The following METTL8 variants were observed in gnomAD, a reference collection of about 807,000 sequenced individuals.
The protein encoded by METTL8 is tRNA N(3)-cytidine methyltransferase METTL8, mitochondrial.
Under a neutral mutation model 48.7 loss-of-function variants are expected in METTL8, and 32 were observed. That is an observed-to-expected ratio of 0.66 (90% CI 0.50 to 0.88). METTL8 has a LOEUF of 0.88. Ranked by LOEUF, METTL8 falls within the 40% of genes least tolerant of loss-of-function variation. The pLI is 0.00. For synonymous variants in METTL8, 136 were observed against 157.1 expected (o/e 0.87, Z 1.01); for missense variants, 464 against 474.4 (o/e 0.98, Z 0.20).
chr2:171,333,090 TTTTTC>T (rs1685714911), intron 5 of METTL8, among the ~76,000 whole-genome samples: 1 of 142,854 alleles, frequency 7.0e-6, no homozygotes, highest in African/African-American at 2.5e-5. Flanking sequence ...ATACTCTTTT[TTTTTC>T]TTTTCTTTTT....
At chr2:171,434,361 T>G, upstream of METTL8, 1 of 799,226 alleles carries the variant, frequency 1.3e-6, no homozygotes, top group Non-Finnish European at 2.1e-6. Flanking sequence ...AGGGAGTGCT[T>G]CTTCCCTTCT....
At chr2:171,398,201 T>C (rs1689295960) in intron 1 of METTL8, among the ~76,000 whole-genome samples, 1 of 152,188 alleles carries the variant, frequency 6.6e-6, no homozygotes, top group Admixed American at 6.5e-5. Context: ...CCCATATTCA[T>C]AGCAACATCA....
intron 2 of METTL8, among the ~76,000 whole-genome samples, chr2:171,365,226 T>C (rs1421288541): frequency 1.3e-5 from 2 of 151,960 alleles, no homozygotes; most frequent in Non-Finnish European, 2.9e-5. Flanking sequence ...AGCAGTGGAG[T>C]ATAATCAAAC....
At chr2:171,419,953 G>A (rs1363583668) in intron 1 of METTL8, among the ~76,000 whole-genome samples, 1 of 151,822 alleles carries the variant, frequency 6.6e-6, no homozygotes, top group Non-Finnish European at 1.5e-5. Flanking sequence ...GTATATCATT[G>A]CTTCTCATCC....
intron 3 of METTL8, among the ~76,000 whole-genome samples, chr2:171,345,843 ATATAAT>A (rs1687213843): frequency 6.6e-6 from 1 of 152,204 alleles, no homozygotes; most frequent in Admixed American, 6.5e-5. Flanking sequence ...AAATTATAAA[ATATAAT>A]TATGTTAACT....
At chr2:171,388,102 C>T (rs1042229750) in intron 2 of METTL8, among the ~76,000 whole-genome samples, 1 of 152,102 alleles carries the variant, frequency 6.6e-6, no homozygotes, top group East Asian at 1.9e-4. Context: ...ATACATTTAC[C>T]TCTTGATTTT....
In METTL8 at chr2:171,379,988, G is replaced by A. The variant is rs148820739; in HGVS notation, c.143+12055C>T. 3.9e-5 allele frequency among the ~76,000 whole-genome samples: 6 copies of A among 152,262 alleles called. No individual in the cohort carries two copies. In the East Asian group the frequency reaches 7.7e-4, roughly 20 times the overall value. ...GCCAATATCCCTGATGAACATTGAT[G>A]CAAAAATCCTCAATAAAATACTGGC... On this transcript the variant is annotated intron_variant, in intron 2 of 9. Coordinates refer to ENST00000375258, the MANE Select transcript of METTL8 (RefSeq NM_001321154.2).
chr2:171,410,898 A>G (rs1255312104), intron 1 of METTL8, among the ~76,000 whole-genome samples: 11 of 152,248 alleles, frequency 7.2e-5, no homozygotes, highest in Admixed American at 7.2e-4. Context: ...CACAAATGAT[A>G]GTATCTTTAG....
chr2:171,416,330 AG>A (rs1207134179), intron 1 of METTL8, among the ~76,000 whole-genome samples: 1 of 152,238 alleles, frequency 6.6e-6, no homozygotes, highest in Non-Finnish European at 1.5e-5. Flanking sequence ...CCCATATCAC[AG>A]GGATTCACCT....
chr2:171,431,169 T>A (rs1692973781), intron 1 of METTL8, among the ~76,000 whole-genome samples: 1 of 152,142 alleles, frequency 6.6e-6, no homozygotes, highest in African/African-American at 2.4e-5. Context: ...ACACCAGATG[T>A]TTTGTGCACA....
At chr2:171,399,697 A>G (rs1226979976) in intron 1 of METTL8, among the ~76,000 whole-genome samples, 2 of 152,242 alleles carry the variant, frequency 1.3e-5, no homozygotes, top group Non-Finnish European at 2.9e-5. Context: ...AGGAATAGGT[A>G]AAATGTATGT....
chr2:171,385,279 A>G (rs1279487016), intron 2 of METTL8, among the ~76,000 whole-genome samples: 1 of 151,786 alleles, frequency 6.6e-6, no homozygotes, highest in Non-Finnish European at 1.5e-5. Context: ...AAAATTAAAA[A>G]TTAGCCATTA....
At chr2:171,394,601 TTTAA>T (rs1368276143) in intron 1 of METTL8, among the ~76,000 whole-genome samples, 3 of 152,238 alleles carry the variant, frequency 2.0e-5, no homozygotes, top group Admixed American at 1.3e-4. Context: ...CAGCTGTTTC[TTTAA>T]TTAACCACAC....
chr2:171,389,221 T>C (rs1415288237), intron 2 of METTL8, among the ~76,000 whole-genome samples: 1 of 152,104 alleles, frequency 6.6e-6, no homozygotes, highest in East Asian at 1.9e-4. Context: ...TTAAAGGAAA[T>C]TAAAGATGCT....
chr2:171,326,354 C>G, intron 7 of METTL8: 1 of 503,088 alleles, frequency 2.0e-6, no homozygotes. Flanking sequence ...TTCAAAAGTC[C>G]TAGAGTATCA....
At chr2:171,341,834 T>TACAC (rs56145145) in intron 3 of METTL8, among the ~76,000 whole-genome samples, 8,125 of 147,220 alleles carry the variant, frequency 0.055, 363 homozygotes, top group African/African-American at 0.12. Flanking sequence ...AATATTCATG[T>TACAC]ACACACACAC....
rs1684340180 is a variant in METTL8, at chr2:171,317,881, G to A, written c.*6291C>T. 6.6e-6 allele frequency: 1 copy of A among 152,188 alleles called. No homozygotes were observed. The highest frequency in any genetic ancestry group is 1.5e-5 in the Non-Finnish European group (1 of 68,034). The allele number at this position is 152,188 out of a possible 1,614,324, so 9.4% of individuals were successfully genotyped here. On this transcript the variant is annotated 3_prime_UTR_variant, in exon 10 of 10. Transcript: ENST00000375258. Reference sequence around the variant, plus strand: ...ACTGTGCTCTGAGACACTTTGAGATGATGCTCAAGGGAGCTGTGCTCTGCA... The same window carrying A: ...ACTGTGCTCTGAGACACTTTGAGATAATGCTCAAGGGAGCTGTGCTCTGCA...
chr2:171,328,402 C>T (rs1214967395), intron 7 of METTL8, among the ~76,000 whole-genome samples: 1 of 152,188 alleles, frequency 6.6e-6, no homozygotes, highest in Non-Finnish European at 1.5e-5. Flanking sequence ...TTGCCATTTG[C>T]TTATGCCTGA....
chr2:171,403,257 G>A (rs538395187), intron 1 of METTL8, among the ~76,000 whole-genome samples: 1 of 152,264 alleles, frequency 6.6e-6, no homozygotes, highest in African/African-American at 2.4e-5. Flanking sequence ...AACACGAACA[G>A]TGATAGTGCT....
Sources: gnomAD v4.1 joint callset for allele counts (sites outside exome capture counted in the v4.1 genomes callset) on GRCh38, gnomAD v4.1.1 for gene constraint, MANE v1.5 for transcripts, NCBI Gene and HGNC (gene_info 2026-07-23, HGNC 2026-07-21) for gene names.